RBPMS2: variants seen among roughly 807,000 people sequenced by gnomAD.
RBPMS2 encodes the protein RNA-binding protein with multiple splicing 2.
RBPMS2 carries 14 observed loss-of-function variants against 25.7 expected under a neutral mutation model. The observed-to-expected ratio is 0.55, with a 90% CI of 0.36 to 0.85. The LOEUF is 0.85. Ranked by LOEUF, RBPMS2 falls within the 40% of genes least tolerant of loss-of-function variation. The pLI is 0.01. For synonymous variants in RBPMS2, 127 were observed against 115.6 expected, an observed-to-expected ratio of 1.10 and a Z score of -0.63; for missense variants, 252 against 283.4, an observed-to-expected ratio of 0.89 and a Z score of 0.80.
chr15:64,758,719 C>T (rs932871847), intron 1 of RBPMS2, among the ~76,000 whole-genome samples: 2 of 152,086 alleles, frequency 1.3e-5, no homozygotes, highest in African/African-American at 2.4e-5. Context: ...GCAAGTCTTG[C>T]CTCTAGAGTC....
Position 64,749,221 on chromosome 15 carries a change from G to C in RBPMS2, c.268-71C>G. The C allele has an allele frequency of 1.9e-6, 3 of 1,566,670 alleles. No individual in the cohort carries two copies. In the Admixed American group the frequency reaches 5.1e-5, roughly 27 times the overall value. On this transcript the variant is annotated intron_variant, in intron 4 of 7. Transcript: ENST00000300069. ...CAGAGTGTTAATGGCAGAGAGTAGAGAAGGGCGCCATAAACAAGCTCGCCT... is the reference window on the plus strand; with the variant it reads ...CAGAGTGTTAATGGCAGAGAGTAGACAAGGGCGCCATAAACAAGCTCGCCT...
chr15:64,751,370 A>T (rs2141061328), intron 2 of RBPMS2, among the ~76,000 whole-genome samples, 191 bp downstream of exon 2: 1 of 151,094 alleles, frequency 6.6e-6, no homozygotes, highest in African/African-American at 2.4e-5. Context: ...TCTCCATTTA[A>T]CTGGCGAGGA....
At chr15:64,763,081 G>A (rs2083806854) in intron 1 of RBPMS2, among the ~76,000 whole-genome samples, 2 of 152,156 alleles carry the variant, frequency 1.3e-5, no homozygotes, top group African/African-American at 4.8e-5. Context: ...GGAGTGTTTT[G>A]GGGGATTGGG....
In RBPMS2 at chr15:64,744,828, T is replaced by G. The variant is rs76566199; in HGVS notation, c.568-3586A>C. On this transcript the variant is annotated intron_variant, in intron 6 of 7. Transcript: ENST00000300069. Reference sequence around the variant, plus strand: ...TTTTTTTTTTTTTTTTTTTTTTTTTTTTTTGAGACAGAGTCTCGCTCTGTC... The same window carrying G: ...TTTTTTTTTTTTTTTTTTTTTTTTTGTTTTGAGACAGAGTCTCGCTCTGTC... Among the ~76,000 whole-genome samples the G allele has an allele frequency of 2.0e-5, 2 of 100,742 alleles. 1 individual carries two copies. Among genetic ancestry groups the G allele is most frequent in the African/African-American group, 8.5e-5 (2 of 23,570 alleles). The allele number at this position is 100,742 out of a possible 152,430, so 66.1% of individuals were successfully genotyped here. A position where few individuals can be genotyped will look rare whatever the true frequency, so the allele number is the denominator to read the frequency against.
chr15:64,757,003 C>G (rs1240499574), intron 1 of RBPMS2, among the ~76,000 whole-genome samples: 1 of 132,090 alleles, frequency 7.6e-6, no homozygotes, highest in African/African-American at 2.9e-5. Context: ...AATGGAGTCT[C>G]GGTCTGTCTC....
chr15:64,745,066 G>A (rs528143629), intron 6 of RBPMS2, among the ~76,000 whole-genome samples: 7 of 151,882 alleles, frequency 4.6e-5, no homozygotes, highest in Admixed American at 3.9e-4. Context: ...TGCCCACCTC[G>A]GCCTCCCAAA....
intron 1 of RBPMS2, among the ~76,000 whole-genome samples, chr15:64,767,281 G>A (rs952167437): frequency 2.0e-5 from 3 of 152,046 alleles, no homozygotes; most frequent in Admixed American, 6.6e-5. Context: ...CATCATTTCT[G>A]AAGTGTAGGG....
chr15:64,750,510 C>T (rs1316412589), intron 2 of RBPMS2, 129 bp from the exon 3 acceptor site: 3 of 801,886 alleles, frequency 3.7e-6, no homozygotes, highest in Non-Finnish European at 6.5e-6. Context: ...CAACATCAAC[C>T]CACCCTGACC....
chr15:64,766,632 T>C (rs2083849034), intron 1 of RBPMS2, among the ~76,000 whole-genome samples: 1 of 151,876 alleles, frequency 6.6e-6, no homozygotes, highest in Non-Finnish European at 1.5e-5. Context: ...TTCACGCCAT[T>C]CTTCTGCCTC....
At chr15:64,751,116 C>T (rs1000392342) in intron 2 of RBPMS2, among the ~76,000 whole-genome samples, 1 of 152,030 alleles carries the variant, frequency 6.6e-6, no homozygotes, top group African/African-American at 2.4e-5. Flanking sequence ...GGGCGGATCA[C>T]GAGGTCAGGA....
intron 1 of RBPMS2, among the ~76,000 whole-genome samples, chr15:64,774,928 C>A (rs890605501): frequency 4.0e-5 from 6 of 150,996 alleles, no homozygotes; most frequent in African/African-American, 1.2e-4. Context: ...GGCGCGCGGG[C>A]GGCAGGCATG....
At chr15:64,750,506 C>G (rs1347639250) in intron 2 of RBPMS2, 125 bp from the exon 3 acceptor site, 2 of 842,202 alleles carry the variant, frequency 2.4e-6, no homozygotes, top group East Asian at 4.9e-5. Flanking sequence ...CTGTCAACAT[C>G]AACCCACCCT....
chr15:64,759,688 T>A (rs2083765157), intron 1 of RBPMS2, among the ~76,000 whole-genome samples: 1 of 152,120 alleles, frequency 6.6e-6, no homozygotes, highest in Admixed American at 6.5e-5. Flanking sequence ...TTTTTTAATT[T>A]TTTTGAGATG....
chr15:64,775,184 C>G, intron 1 of RBPMS2, 49 bp downstream of exon 1: 1 of 1,120,286 alleles, frequency 8.9e-7, no homozygotes, highest in Non-Finnish European at 1.1e-6. Context: ...CTCTCCCGCG[C>G]CCGCCTGGCG....
At chr15:64,774,878 C>T (rs1407692967) in intron 1 of RBPMS2, among the ~76,000 whole-genome samples, 1 of 151,598 alleles carries the variant, frequency 6.6e-6, no homozygotes, top group East Asian at 2.0e-4. Context: ...AGGTGCGCCT[C>T]GGAGGAGGGC....
intron 6 of RBPMS2, among the ~76,000 whole-genome samples, chr15:64,745,714 T>A (rs2083612502): frequency 6.6e-6 from 1 of 152,112 alleles, no homozygotes; most frequent in Admixed American, 6.5e-5. Context: ...GAAGATTCTA[T>A]CAAGAGGGTT....
chr15:64,761,085 T>G (rs1027828920), intron 1 of RBPMS2: 1 of 151,050 alleles, frequency 6.6e-6, no homozygotes, highest in African/African-American at 2.4e-5. Context: ...CTCTAAAAGT[T>G]AGAATTCAAT....
At chr15:64,756,383 C>T (rs368025493) in intron 1 of RBPMS2, among the ~76,000 whole-genome samples, 5 of 151,984 alleles carry the variant, frequency 3.3e-5, no homozygotes, top group East Asian at 1.9e-4. Context: ...GGTGTGGTGG[C>T]GCACACCTGT....
intron 2 of RBPMS2, among the ~76,000 whole-genome samples, chr15:64,750,665 C>T (rs2083668948): frequency 6.6e-6 from 1 of 152,232 alleles, no homozygotes; most frequent in South Asian, 2.1e-4. Flanking sequence ...ACAGACCTTA[C>T]CTTTTAAGTT....
Sources: gnomAD v4.1 joint callset for allele counts (sites outside exome capture counted in the v4.1 genomes callset) on GRCh38, gnomAD v4.1.1 for gene constraint, MANE v1.5 for transcripts, NCBI Gene and HGNC (gene_info 2026-07-23, HGNC 2026-07-21) for gene names.